The following EVI5L variants were observed in gnomAD, a reference collection of about 807,000 sequenced individuals.
EVI5L encodes the protein EVI5-like protein.
Under a neutral mutation model 106.1 loss-of-function variants are expected in EVI5L, and 30 were observed. The observed-to-expected ratio is 0.28, with a 90% CI of 0.21 to 0.38. EVI5L has a LOEUF of 0.38. Among genes scored for constraint, EVI5L ranks in the 10% least tolerant of loss-of-function variants. The probability of loss-of-function intolerance (pLI) is 1.00; values close to 1 mark genes in which losing one functional copy is unlikely to be tolerated. For synonymous variants in EVI5L, 489 were observed against 483.3 expected (o/e 1.01, Z -0.15); for missense variants, 809 against 1,098.0 (o/e 0.74, Z 3.72).
At position 7,864,324 on chromosome 19, in the gene EVI5L, G is replaced by A. The variant is rs1017938129; in HGVS notation, c.*622G>A. The stretch of plus-strand genomic sequence containing the variant: ...AAACCAAAGTCCCCCTACTATGTGC[G>A]GGGCGCCTGGGGACTGAGTGGCTAA... On this transcript the variant is annotated 3_prime_UTR_variant, in exon 20 of 20. Transcript: ENST00000538904. This position sits in a 1 kb window ranked among gnomAD's most constrained non-coding sequence, Gnocchi z 4.5. 2 of 152,540 alleles carry A rather than the reference G, an allele frequency of 1.3e-5. No individual in the cohort carries two copies. Among genetic ancestry groups the A allele is most frequent in the African/African-American group, 2.4e-5 (1 of 41,438 alleles). 9.4% of individuals were successfully genotyped at this position (152,540 alleles called of 1,614,324 possible).
In EVI5L at chr19:7,856,786, C is replaced by T. The variant is rs1375968614; in HGVS notation, c.1201-306C>T. 5.3e-5 allele frequency among the ~76,000 whole-genome samples: 8 copies of T among 152,290 alleles called. No homozygotes were observed. The highest frequency in any genetic ancestry group is 1.0e-4 in the Non-Finnish European group (7 of 68,030). ...CCCCCACAGTTTTTCCAGCCAGCAGCGGCCCGGCTGACCCTGGAGGGTGGG... is the reference window on the plus strand; with the variant it reads ...CCCCCACAGTTTTTCCAGCCAGCAGTGGCCCGGCTGACCCTGGAGGGTGGG... On this transcript the variant is annotated intron_variant, in intron 11 of 19. Coordinates refer to ENST00000538904, the MANE Select transcript of EVI5L (RefSeq NM_001159944.3). This position sits in a 1 kb window ranked among gnomAD's most constrained non-coding sequence, Gnocchi z 6.6.
At position 7,856,165 on chromosome 19, in the gene EVI5L, TCTC is replaced by T. The variant is rs755727741; in HGVS notation, c.1200+101_1200+103del. 2.0e-5 allele frequency: 24 copies of T among 1,184,982 alleles called. No individual in the cohort carries two copies. Among genetic ancestry groups the T allele is most frequent in the Admixed American group, 6.5e-5 (2 of 30,694 alleles). The allele number at this position is 1,184,982 out of a possible 1,614,324, so 73.4% of individuals were successfully genotyped here. A position where few individuals can be genotyped will look rare whatever the true frequency, so the allele number is the denominator to read the frequency against. On this transcript the variant is annotated intron_variant, in intron 11 of 19. Transcript: ENST00000538904. This position sits in a 1 kb window ranked among gnomAD's most constrained non-coding sequence, Gnocchi z 6.6. ...ACCTGGGGTGGACTCCTCCAAGTCT[TCTC>T]CTCTCTGGAGGACTAAGCAGCCCTA...
In EVI5L at chr19:7,851,590, G is replaced by C; in HGVS notation, c.897+13G>C. The C allele has an allele frequency of 8.1e-6, 13 of 1,604,440 alleles. No homozygotes were observed. The highest frequency in any genetic ancestry group is 1.0e-5 in the Non-Finnish European group (12 of 1,175,192). On this transcript the variant is annotated intron_variant, in intron 7 of 19. Transcript: ENST00000538904. ...CTTCATGTATGAGGTGAGGACCGAT[G>C]GTGCCTGGGGAGGGAAGAGAGCCCC... is the stretch of plus-strand genomic sequence containing the variant.
intron 2 of EVI5L, among the ~76,000 whole-genome samples, chr19:7,847,207 A>G (rs565565): frequency 0.73 from 111,531 of 151,912 alleles, 41,352 homozygotes; most frequent in South Asian, 0.84. Context: ...CAGGAGAATC[A>G]CTTGAACCCG....
chr19:7,863,171 G>A lies in EVI5L; in HGVS notation c.2044-14G>A, dbSNP rs1285902189. The A allele has an allele frequency of 1.3e-6, 2 of 1,551,414 alleles. No individual in the cohort carries two copies. Among genetic ancestry groups the A allele is most frequent in the Non-Finnish European group, 1.7e-6 (2 of 1,147,808 alleles). ...GCATGGCACTGGCCCCGCGTGACCT[G>A]GCGCACCCCGCAGAGGGAGGAAGGC... On this transcript the variant is annotated splice_polypyrimidine_tract_variant and intron_variant, in intron 18 of 19. Transcript: ENST00000538904. This position sits in a 1 kb window ranked among gnomAD's most constrained non-coding sequence, Gnocchi z 7.7.
intron 1 of EVI5L, among the ~76,000 whole-genome samples, chr19:7,841,668 T>A (rs1978607571): frequency 6.6e-6 from 1 of 151,682 alleles, no homozygotes; most frequent in Non-Finnish European, 1.5e-5. Context: ...TGAGGAGCAG[T>A]TGAGGGTGAA....
chr19:7,862,313 G>C, intron 16 of EVI5L, 36 bp downstream of exon 16: 6 of 1,581,488 alleles, frequency 3.8e-6, no homozygotes, highest in South Asian at 1.2e-5. Context: ...GGGAAGGGGC[G>C]TGGTGTCCGT....
At chr19:7,851,646 C>G in intron 7 of EVI5L, 35 bp from the exon 8 acceptor site, 2 of 1,589,366 alleles carry the variant, frequency 1.3e-6, no homozygotes, top group Non-Finnish European at 1.7e-6. Flanking sequence ...AGCCTCCCTG[C>G]CCTCCACCTC....
chr19:7,855,838 A>T (rs1979491880), intron 10 of EVI5L, among the ~76,000 whole-genome samples, 177 bp from the exon 11 acceptor site: 1 of 152,230 alleles, frequency 6.6e-6, no homozygotes, highest in South Asian at 2.1e-4. Context: ...GCCAGTCTGA[A>T]CAGGAATTGG....
chr19:7,853,164 A>C lies in EVI5L; in HGVS notation c.1066A>C (p.Asn356His), dbSNP rs1979342896. ...LVLKAYQVKY[N>H]PKKMKRLEKE... is the part of the protein sequence containing the mutation. The stretch of plus-strand genomic sequence containing the variant: ...CCTCAAAGCCTACCAGGTCAAGTAC[A>C]ACCCCAAGAAGATGAAGAGGTCGGT... The change falls in exon 9 of 20, where the codon AAC becomes CAC. Residue 356 changes from asparagine (N) to histidine (H), a missense_variant. Coordinates refer to ENST00000538904, the MANE Select transcript of EVI5L (RefSeq NM_001159944.3). 2 of 1,613,956 alleles carry C rather than the reference A, an allele frequency of 1.2e-6. No homozygotes were observed. The highest frequency in any genetic ancestry group is 2.7e-5 in the African/African-American group (2 of 74,950).
intron 1 of EVI5L, among the ~76,000 whole-genome samples, chr19:7,843,336 A>G (rs1465287893): frequency 8.2e-6 from 1 of 121,650 alleles, no homozygotes; most frequent in Non-Finnish European, 1.7e-5. Context: ...TTGAGTGTGC[A>G]TGTGTGTGTA....
At position 7,848,013 on chromosome 19, in the gene EVI5L, C is replaced by A. The variant is rs573034029; in HGVS notation, c.327+92C>A. 7.9e-6 allele frequency: 11 copies of A among 1,389,014 alleles called. No individual in the cohort carries two copies. In the South Asian group the frequency reaches 1.6e-4, roughly 20 times the overall value. The allele number at this position is 1,389,014 out of a possible 1,614,324, so 86.0% of individuals were successfully genotyped here. ...CCAGGCAGCGCCAGGGTCTGCGGGG[C>A]CCCAGCCTGGGCACAGCGGCAGCAG... On this transcript the variant is annotated intron_variant, in intron 3 of 19. Coordinates refer to ENST00000538904, the MANE Select transcript of EVI5L (RefSeq NM_001159944.3). This position sits in a 1 kb window ranked among gnomAD's most constrained non-coding sequence, Gnocchi z 4.8.
At chr19:7,830,483 C>T (rs1599555561) in intron 1 of EVI5L, 102 bp downstream of exon 1, 1 of 151,496 alleles carries the variant, frequency 6.6e-6, no homozygotes. Context: ...GGCCGTCGTG[C>T]CCCGGAACCC....
Position 7,858,010 on chromosome 19 carries a change from G to C in EVI5L, c.1234-181G>C, listed in dbSNP as rs1979615365. 1.5e-6 allele frequency: 1 copy of C among 666,520 alleles called. No homozygotes were observed. The highest frequency in any genetic ancestry group is 3.0e-5 in the Admixed American group (1 of 33,586). The allele number at this position is 666,520 out of a possible 1,614,324, so 41.3% of individuals were successfully genotyped here. Reference sequence around the variant, plus strand: ...TCCTCCAGGTGTCCTATTCCTGCCTGTCACCCACCCACGTCCCCAGGCCCA... The same window carrying C: ...TCCTCCAGGTGTCCTATTCCTGCCTCTCACCCACCCACGTCCCCAGGCCCA... On this transcript the variant is annotated intron_variant, in intron 12 of 19. Transcript: ENST00000538904. This position sits in a 1 kb window ranked among gnomAD's most constrained non-coding sequence, Gnocchi z 5.7.
intron 1 of EVI5L, among the ~76,000 whole-genome samples, chr19:7,832,809 G>T (rs1000045849): frequency 1.5e-4 from 23 of 152,158 alleles, no homozygotes; most frequent in Middle Eastern, 3.2e-3. Flanking sequence ...GAGGACCACG[G>T]GGAACAGGGT....
chr19:7,853,534 G>A (rs1487144217), intron 10 of EVI5L: 3 of 678,638 alleles, frequency 4.4e-6, no homozygotes, highest in Non-Finnish European at 4.9e-6. Flanking sequence ...GCCTGACGCC[G>A]CGGTAACCAA....
chr19:7,847,652 G>T, intron 2 of EVI5L, 80 bp from the exon 3 acceptor site: 2 of 1,481,172 alleles, frequency 1.4e-6, no homozygotes, highest in South Asian at 1.2e-5. Context: ...CCCCCAGGAG[G>T]GGGAGGATGG....
At chr19:7,842,601 C>A (rs1323864663) in intron 1 of EVI5L, among the ~76,000 whole-genome samples, 1 of 146,368 alleles carries the variant, frequency 6.8e-6, no homozygotes, top group Non-Finnish European at 1.5e-5. Context: ...TGTGAATGTG[C>A]ATGGGTGTGT....
intron 1 of EVI5L, among the ~76,000 whole-genome samples, chr19:7,842,224 A>C (rs200798195): frequency 1.4e-5 from 2 of 147,844 alleles, no homozygotes; most frequent in African/African-American, 5.0e-5. Context: ...GTGTGTGTGA[A>C]TATGCATAGG....
Sources: allele counts gnomAD v4.1 joint callset (sites outside exome capture counted in the v4.1 genomes callset), GRCh38; gene constraint gnomAD v4.1.1; non-coding constraint Gnocchi (gnomAD v3.1); transcripts MANE v1.5; gene names NCBI Gene and HGNC (gene_info 2026-07-23, HGNC 2026-07-21).